SYNE1: variants seen among roughly 807,000 people sequenced by gnomAD.
SYNE1 encodes the protein spectrin repeat containing nuclear envelope protein 1, also known as nesprin-1.
A neutral mutation model predicts 1,111.0 loss-of-function variants in SYNE1; 616 were observed. That is an observed-to-expected ratio of 0.55 (90% CI 0.52 to 0.59). The LOEUF is 0.59. SYNE1 is among the 20% of genes least tolerant of loss of function. The pLI, the probability that SYNE1 is intolerant of heterozygous loss-of-function variation, is 0.00. For synonymous variants in SYNE1, 3,855 were observed against 3,825.8 expected, an observed-to-expected ratio of 1.01 and a Z score of -0.28; for missense variants, 10,006 against 10,417.0, an observed-to-expected ratio of 0.96 and a Z score of 1.72.
chr6:152,376,330 A>C, intron 58 of SYNE1, 51 bp downstream of exon 58: 1 of 1,599,152 alleles, frequency 6.3e-7, no homozygotes, highest in South Asian at 1.1e-5. Flanking sequence ...TTAGAGGTTA[A>C]CTTTAGTTCA....
chr6:152,620,727 C>G (rs2099673623), intron 3 of SYNE1, among the ~76,000 whole-genome samples: 1 of 152,142 alleles, frequency 6.6e-6, no homozygotes, highest in Non-Finnish European at 1.5e-5. Context: ...AAAATAACCT[C>G]TATTCCGGCC....
At chr6:152,547,808 C>T (rs1199562095) in intron 3 of SYNE1, among the ~76,000 whole-genome samples, 1 of 152,074 alleles carries the variant, frequency 6.6e-6, no homozygotes, top group African/African-American at 2.4e-5. Context: ...AGCATAATGT[C>T]CTTCAGGTTC....
rs2096237423 is a variant in SYNE1, at chr6:152,331,066, T to C, written c.13619A>G (p.Gln4540Arg). ...TTGTAAAACACTGTCATAGACACTC[T>C]GCAATTCCTGAAGCTTCCCCAGCAC... is the stretch of plus-strand genomic sequence containing the variant. Reference protein sequence around the residue: ...SEVLGKLQELQSVYDSVLQKC... With the variant: ...SEVLGKLQELRSVYDSVLQKC... Residue 4540 changes from glutamine to arginine, a missense_variant, in exon 78 of 146, where the codon CAG (glutamine) becomes CGG (arginine). Around this residue, in one of 7 missense-constraint regions of SYNE1, gnomAD observed 4,955 missense variants for 5,017.2 expected, o/e 0.99. Transcript: ENST00000367255. 1 of 1,614,198 alleles carries C rather than the reference T, an allele frequency of 6.2e-7. No homozygotes were observed. The highest frequency in any genetic ancestry group is 1.3e-5 in the African/African-American group (1 of 75,050).
At chr6:152,124,557 C>A (rs138088399) in intron 145 of SYNE1, among the ~76,000 whole-genome samples, 1 of 152,206 alleles carries the variant, frequency 6.6e-6, no homozygotes, top group African/African-American at 2.4e-5. Context: ...GTTTACTGTT[C>A]GATGTTTTTG....
chr6:152,322,442 T>C (rs1387766458), intron 82 of SYNE1, among the ~76,000 whole-genome samples: 2 of 152,064 alleles, frequency 1.3e-5, no homozygotes, highest in Non-Finnish European at 2.9e-5. Flanking sequence ...TTTGTAAATG[T>C]AGAAATTAAA....
At chr6:152,529,145 C>T (rs974456829) in intron 4 of SYNE1, among the ~76,000 whole-genome samples, 8 of 152,130 alleles carry the variant, frequency 5.3e-5, no homozygotes, top group African/African-American at 1.7e-4. Context: ...TCTTCTCTTC[C>T]TATTTTATTA....
At position 152,188,056 on chromosome 6, in the gene SYNE1, C is replaced by T. The variant is rs1007526890; in HGVS notation, c.23301+1196G>A. ...AGACAGTTTTATACATTGTTTTTAC[C>T]TGTTTATGCCTGGTTTTCTTCTTAA... On this transcript the variant is annotated intron_variant, in intron 128 of 145. Coordinates refer to ENST00000367255, the MANE Select transcript of SYNE1 (RefSeq NM_182961.4). 9.9e-5 allele frequency among the ~76,000 whole-genome samples: 15 copies of T among 152,168 alleles called. No individual in the cohort carries two copies. The South Asian group carries it at 3.1e-3, about 32-fold the overall frequency.
intron 52 of SYNE1, 47 bp from the exon 53 acceptor site, chr6:152,390,499 C>A (rs775341204): frequency 7.7e-5 from 122 of 1,592,512 alleles, no homozygotes; most frequent in Non-Finnish European, 9.4e-5. Context: ...TAAAAACCTT[C>A]TTCTATTTTA....
chr6:152,144,369 A>C (rs1200000792), intron 137 of SYNE1: 1 of 157,550 alleles, frequency 6.3e-6, no homozygotes, highest in African/African-American at 2.4e-5. Context: ...AAACAAAACC[A>C]GGAGAAAGCT....
intron 4 of SYNE1, among the ~76,000 whole-genome samples, chr6:152,534,108 A>T (rs1166964929): frequency 6.6e-6 from 1 of 152,082 alleles, no homozygotes; most frequent in Non-Finnish European, 1.5e-5. Context: ...GCAGTGATCC[A>T]AGCCATGCCA....
chr6:152,611,752 G>A (rs1364795507), intron 3 of SYNE1, among the ~76,000 whole-genome samples: 1 of 151,986 alleles, frequency 6.6e-6, no homozygotes, highest in Non-Finnish European at 1.5e-5. Flanking sequence ...TGGAAGTAAA[G>A]CACTCCTCAG....
intron 3 of SYNE1, among the ~76,000 whole-genome samples, chr6:152,547,886 G>A (rs570920108): frequency 6.6e-6 from 1 of 152,212 alleles, no homozygotes; most frequent in South Asian, 2.1e-4. Context: ...AATTGTATGT[G>A]TGTGTCATGT....
At chr6:152,357,626 A>G (rs1384093544) in intron 66 of SYNE1, among the ~76,000 whole-genome samples, 1 of 152,172 alleles carries the variant, frequency 6.6e-6, no homozygotes. Flanking sequence ...GACCCCTTAC[A>G]TTAGTCTACT....
chr6:152,498,714 C>G (rs554771747), intron 11 of SYNE1, 28 bp downstream of exon 11: 1 of 1,491,660 alleles, frequency 6.7e-7, no homozygotes. Context: ...TGAAAGAGGT[C>G]ATCAATGCAA....
intron 127 of SYNE1, 46 bp from the exon 128 acceptor site, chr6:152,189,453 A>T: frequency 1.3e-6 from 2 of 1,596,540 alleles, no homozygotes; most frequent in South Asian, 2.2e-5. Context: ...TCTCCTGCCA[A>T]TGATTTCTGA....
chr6:152,456,301 T>C (rs761009232), intron 22 of SYNE1, among the ~76,000 whole-genome samples: 5 of 152,012 alleles, frequency 3.3e-5, no homozygotes, highest in Non-Finnish European at 5.9e-5. Flanking sequence ...AAATACCTCA[T>C]GTACATTTTA....
At chr6:152,218,491 T>A in intron 120 of SYNE1, 88 bp from the exon 121 acceptor site, 1 of 1,415,486 alleles carries the variant, frequency 7.1e-7, no homozygotes, top group Non-Finnish European at 9.9e-7. Context: ...CAAGTGGATA[T>A]TAAAATTATT....
intron 3 of SYNE1, among the ~76,000 whole-genome samples, chr6:152,553,247 C>T (rs6912135): frequency 0.019 from 2,826 of 152,204 alleles, 95 homozygotes; most frequent in African/African-American, 0.064. Flanking sequence ...AAGCCCATAC[C>T]TTCAATCACT....
At chr6:152,357,937 G>A (rs375486719) in intron 66 of SYNE1, among the ~76,000 whole-genome samples, 46 of 152,118 alleles carry the variant, frequency 3.0e-4, no homozygotes, top group African/African-American at 8.0e-4. Flanking sequence ...AGCCCGAACC[G>A]GTACCATCAG....
Sources: allele counts gnomAD v4.1 joint callset (sites outside exome capture counted in the v4.1 genomes callset), GRCh38; gene constraint gnomAD v4.1.1; regional missense constraint gnomAD v4.1.1; transcripts MANE v1.5; gene names NCBI Gene and HGNC (gene_info 2026-07-23, HGNC 2026-07-21).